Variants in MYO16 observed in about 807,000 individuals in gnomAD.
MYO16 encodes the protein unconventional myosin-XVI.
In MYO16, 94 loss-of-function variants were observed where a neutral mutation model predicts 205.3. The observed-to-expected ratio is 0.46, with a 90% CI of 0.39 to 0.54. The LOEUF (loss-of-function observed/expected upper bound fraction) is 0.54. Among genes scored for constraint, MYO16 ranks in the 20% least tolerant of loss-of-function variants. MYO16 has a pLI of 0.00. For synonymous variants in MYO16, 988 were observed against 954.0 expected (o/e 1.04, Z -0.66); for missense variants, 2,315 against 2,387.5 (o/e 0.97, Z 0.63).
chr13:108,985,666 A>G (rs1412413647), intron 20 of MYO16, among the ~76,000 whole-genome samples: 1 of 152,230 alleles, frequency 6.6e-6, no homozygotes, highest in Admixed American at 6.5e-5. Context: ...CCTTGCTGAT[A>G]TCTTTCTACT....
chr13:108,530,011 C>T, the MYO16 span, among the ~76,000 whole-genome samples: 14 of 152,202 alleles, frequency 9.2e-5, no homozygotes, highest in Admixed American at 9.2e-4. Context: ...CTGCCATCCC[C>T]ACAGTAAGCC....
At chr13:108,965,437 A>T (rs1292642403) in intron 20 of MYO16, among the ~76,000 whole-genome samples, 1 of 151,746 alleles carries the variant, frequency 6.6e-6, no homozygotes, top group African/African-American at 2.4e-5. Flanking sequence ...ACGGAGTTTC[A>T]CTCTTGTTGC....
the MYO16 span, among the ~76,000 whole-genome samples, chr13:108,499,604 A>G: frequency 1.8e-3 from 271 of 152,288 alleles, 1 homozygote; most frequent in Admixed American, 5.4e-3. Context: ...TTATGTTATT[A>G]TAATAACTAG....
At chr13:108,728,260 A>G (rs941036005) in intron 4 of MYO16, among the ~76,000 whole-genome samples, 1 of 152,168 alleles carries the variant, frequency 6.6e-6, no homozygotes, top group Non-Finnish European at 1.5e-5. Context: ...GGATTTTCAC[A>G]TTTTTTTATG....
At chr13:108,919,236 T>C (rs1201111811) in intron 16 of MYO16, among the ~76,000 whole-genome samples, 1 of 152,234 alleles carries the variant, frequency 6.6e-6, no homozygotes, top group Admixed American at 6.5e-5. Context: ...TGCCATGCAG[T>C]CCCATGGCCC....
At chr13:109,020,890 A>G (rs1301177729) in intron 23 of MYO16, among the ~76,000 whole-genome samples, 1 of 152,214 alleles carries the variant, frequency 6.6e-6, no homozygotes, top group East Asian at 1.9e-4. Context: ...AACGAAGCCT[A>G]TTCCTTGCCT....
At chr13:108,937,818 C>T (rs1385526002) in intron 16 of MYO16, among the ~76,000 whole-genome samples, 1 of 152,086 alleles carries the variant, frequency 6.6e-6, no homozygotes, top group Non-Finnish European at 1.5e-5. Flanking sequence ...TGATTTTCAA[C>T]CTTGTCTTGG....
intron 1 of MYO16, among the ~76,000 whole-genome samples, chr13:108,655,859 G>A (rs1021318718): frequency 3.3e-5 from 5 of 152,006 alleles, no homozygotes; most frequent in Non-Finnish European, 7.4e-5. Flanking sequence ...CCTTTGTTTT[G>A]GCCAGTTTCT....
In MYO16 at chr13:109,206,513, G is replaced by A. The variant is rs554525146; in HGVS notation, c.5416-96G>A. On this transcript the variant is annotated intron_variant, in intron 34 of 34. Transcript: ENST00000457511. ...AAAGAGGCTGCCTCTTTCAGCACCA[G>A]TCCTGCCCCTTTGTATCCAGGTGTT... The A allele has an allele frequency of 3.0e-5, 28 of 925,692 alleles. No individual in the cohort carries two copies. The African/African-American group carries it at 4.1e-4, about 14-fold the overall frequency. 57.3% of individuals were successfully genotyped at this position (925,692 alleles called of 1,614,324 possible).
the MYO16 span, among the ~76,000 whole-genome samples, chr13:108,585,795 T>A: frequency 1.1e-4 from 16 of 152,308 alleles, no homozygotes; most frequent in African/African-American, 3.4e-4. Context: ...CATGACTCCC[T>A]AGACCCCTTA....
intron 11 of MYO16, among the ~76,000 whole-genome samples, chr13:108,856,394 C>A (rs565066416): frequency 9.9e-5 from 15 of 152,208 alleles, no homozygotes; most frequent in African/African-American, 3.6e-4. Context: ...GATTTCCTTA[C>A]AAGTAATAAA....
At chr13:108,930,510 T>C (rs1292876482) in intron 16 of MYO16, among the ~76,000 whole-genome samples, 1 of 151,970 alleles carries the variant, frequency 6.6e-6, no homozygotes, top group African/African-American at 2.4e-5. Context: ...CATCCATAAG[T>C]AAAAAAAGAA....
At chr13:109,143,046 C>T (rs1291298537) in intron 32 of MYO16, among the ~76,000 whole-genome samples, 1 of 152,034 alleles carries the variant, frequency 6.6e-6, no homozygotes, top group Non-Finnish European at 1.5e-5. Context: ...TCATTTCATA[C>T]TTGGAAAACT....
chr13:108,825,876 TAAGA>T (rs1347883358), intron 9 of MYO16, among the ~76,000 whole-genome samples: 8 of 151,342 alleles, frequency 5.3e-5, no homozygotes, highest in Non-Finnish European at 1.2e-4. Context: ...TACAACAACA[TAAGA>T]AAAACAAAAT....
chr13:108,800,891 T>C (rs1378323410), intron 6 of MYO16, among the ~76,000 whole-genome samples: 1 of 152,028 alleles, frequency 6.6e-6, no homozygotes, highest in Non-Finnish European at 1.5e-5. Flanking sequence ...GGTAAGATAA[T>C]TAAAAACAAT....
At position 109,011,506 on chromosome 13, in the gene MYO16, T is replaced by TC. The variant is rs1378263445; in HGVS notation, c.2595+2457_2595+2458insC. On this transcript the variant is annotated intron_variant, in intron 22 of 34. Coordinates refer to ENST00000457511, the MANE Select transcript of MYO16 (RefSeq NM_001198950.3). ...TTTTTTTTTCTTCCTTTCTTTTTTTTTTTTGTTGTTATTTGTTTGTTTGTT... is the reference window on the plus strand; with the variant it reads ...TTTTTTTTTCTTCCTTTCTTTTTTTTCTTTTGTTGTTATTTGTTTGTTTGTT... Among the ~76,000 whole-genome samples the TC allele has an allele frequency of 6.6e-5, 10 of 150,816 alleles. 1 individual carries two copies. Among genetic ancestry groups the TC allele is most frequent in the African/African-American group, 2.4e-4 (10 of 41,140 alleles).
intron 1 of MYO16, among the ~76,000 whole-genome samples, chr13:108,597,324 T>G (rs1002815533): frequency 3.3e-5 from 5 of 152,212 alleles, no homozygotes; most frequent in African/African-American, 1.2e-4. Context: ...TATTCTTACC[T>G]AGTTTTGCAC....
At position 108,710,738 on chromosome 13, in the gene MYO16, T is replaced by C. The variant is rs1305215518; in HGVS notation, c.293-1923T>C. 2.0e-5 allele frequency among the ~76,000 whole-genome samples: 3 copies of C among 152,208 alleles called. No homozygotes were observed. In the East Asian group the frequency reaches 5.8e-4, roughly 29 times the overall value. ...GATCACTGATTTCTATTATGTATAA[T>C]TCACTGTGTGTCTGCATAATGGACT... On this transcript the variant is annotated intron_variant, in intron 2 of 34. Coordinates refer to ENST00000457511, the MANE Select transcript of MYO16 (RefSeq NM_001198950.3).
chr13:108,793,565 T>G lies in MYO16; in HGVS notation c.666T>G (p.Ser222Arg), dbSNP rs1886688898. Reference protein sequence around the residue: ...LRQMKLQRPMSMLTDVKHFLS... With the variant: ...LRQMKLQRPMRMLTDVKHFLS... The stretch of plus-strand genomic sequence containing the variant: ...AGATGAAGCTTCAGAGACCAATGAG[T>G]ATGTTAACAGATGTCAAACACTTCT... The change falls in exon 6 of 35, where the codon AGT (serine) becomes AGG (arginine). Residue 222 changes from serine to arginine, a missense_variant. Ser to Arg is a moderately radical substitution (Grantham distance 110). This residue lies in a region of MYO16 where 1,213 missense variants were observed against 1,274.4 expected (regional missense o/e 0.95). Transcript: ENST00000457511. 3.7e-6 allele frequency: 6 copies of G among 1,613,724 alleles called. No homozygotes were observed. Among genetic ancestry groups the G allele is most frequent in the Non-Finnish European group, 5.1e-6 (6 of 1,179,724 alleles).
Sources: gnomAD v4.1 joint callset for allele counts (sites outside exome capture counted in the v4.1 genomes callset) on GRCh38, gnomAD v4.1.1 for gene constraint, gnomAD v4.1.1 regional missense constraint, MANE v1.5 for transcripts, NCBI Gene and HGNC (gene_info 2026-07-23, HGNC 2026-07-21) for gene names.